The following MNAT1 variants were observed in gnomAD, a reference collection of about 807,000 sequenced individuals.
MNAT1 encodes the protein CDK-activating kinase assembly factor MAT1.
MNAT1 carries 43 observed loss-of-function variants against 42.0 expected under a neutral mutation model. The observed-to-expected ratio is 1.02, with a 90% CI of 0.80 to 1.32. The LOEUF (loss-of-function observed/expected upper bound fraction) is 1.32. Among genes scored for constraint, MNAT1 ranks in the 40% most tolerant of loss-of-function variants. The pLI is 0.00. For missense variants in MNAT1, 306 were observed against 350.4 expected (o/e 0.87, Z 1.01); for synonymous variants, 118 against 120.0 (o/e 0.98, Z 0.11).
At chr14:60,854,252 T>C (rs543677583) in intron 6 of MNAT1, among the ~76,000 whole-genome samples, 4 of 152,326 alleles carry the variant, frequency 2.6e-5, no homozygotes, top group Admixed American at 2.6e-4. Context: ...AACGTGCTCC[T>C]TTAGCTCAGA....
chr14:60,883,916 T>C (rs547095978), intron 7 of MNAT1, among the ~76,000 whole-genome samples: 3 of 152,306 alleles, frequency 2.0e-5, no homozygotes, highest in Admixed American at 6.5e-5. Context: ...GTGCTGATTT[T>C]GTATTCTGCA....
intron 3 of MNAT1, among the ~76,000 whole-genome samples, chr14:60,806,322 T>C (rs1192378379): frequency 6.6e-6 from 1 of 152,182 alleles, no homozygotes; most frequent in African/African-American, 2.4e-5. Context: ...GGGTGAGTCA[T>C]ATGTGGATAT....
chr14:60,963,067 C>T (rs1360311975), intron 7 of MNAT1, among the ~76,000 whole-genome samples: 1 of 152,090 alleles, frequency 6.6e-6, no homozygotes, highest in Non-Finnish European at 1.5e-5. Context: ...CTGCGACCTC[C>T]ACCTCCCGGG....
chr14:60,968,258 C>T lies in MNAT1; in HGVS notation c.839C>T (p.Pro280Leu). Residue 280 changes from proline to leucine, a missense_variant, in exon 8 of 8, where the codon CCA becomes CTA. This residue lies in a region of MNAT1 where 116 missense variants were observed against 139.6 expected (regional missense o/e 0.83). Coordinates refer to ENST00000261245, the MANE Select transcript of MNAT1 (RefSeq NM_002431.4). Reference protein sequence around the residue: ...GYLNHVRAASPQDLAGGYTSS... With the variant: ...GYLNHVRAASLQDLAGGYTSS... ...TTAAACCATGTCAGAGCTGCCTCAC[C>T]ACAGGACCTTGCTGGAGGCTATACT... 1 of 1,613,770 alleles carries T rather than the reference C, an allele frequency of 6.2e-7. No homozygotes were observed. Among genetic ancestry groups the T allele is most frequent in the South Asian group, 1.1e-5 (1 of 91,030 alleles).
At chr14:60,753,345 A>G (rs1427925657) in intron 1 of MNAT1, among the ~76,000 whole-genome samples, 3 of 152,204 alleles carry the variant, frequency 2.0e-5, no homozygotes, top group Non-Finnish European at 4.4e-5. Context: ...AACAAAACAA[A>G]TAAGAATTGA....
chr14:60,905,860 A>G (rs2035186464), intron 7 of MNAT1, among the ~76,000 whole-genome samples: 1 of 152,202 alleles, frequency 6.6e-6, no homozygotes, highest in South Asian at 2.1e-4. Flanking sequence ...TCAAATGCCA[A>G]TCTTTTCTGG....
At position 60,798,138 on chromosome 14, in the gene MNAT1, C is replaced by A; in HGVS notation, c.294C>A (p.Phe98Leu). ...DFPSLREYNDFLEEVEEIVFN... is the reference protein window; with the variant it reads ...DFPSLREYNDLLEEVEEIVFN... Reference sequence around the variant, plus strand: ...CTAGTCTAAGAGAATACAATGATTTCTTGGAAGAAGTGGAAGAAATTGGTA... The same window carrying A: ...CTAGTCTAAGAGAATACAATGATTTATTGGAAGAAGTGGAAGAAATTGGTA... Residue 98 changes from phenylalanine (F) to leucine (L), a missense_variant, in exon 3 of 8, where the codon TTC becomes TTA. Phe to Leu is a conservative substitution (Grantham distance 22). Transcript: ENST00000261245. The A allele has an allele frequency of 6.6e-7, 1 of 1,516,872 alleles. No homozygotes were observed. The highest frequency in any genetic ancestry group is 9.1e-7 in the Non-Finnish European group (1 of 1,094,556). 94.0% of individuals were successfully genotyped at this position (1,516,872 alleles called of 1,614,324 possible).
chr14:60,754,373 G>A (rs1453044142), intron 1 of MNAT1, among the ~76,000 whole-genome samples: 2 of 135,912 alleles, frequency 1.5e-5, no homozygotes, highest in African/African-American at 5.6e-5. Context: ...ACCGAGTCTC[G>A]CTCTGTCGCC....
chr14:60,767,528 A>T (rs961927953), intron 1 of MNAT1, among the ~76,000 whole-genome samples: 1 of 152,020 alleles, frequency 6.6e-6, no homozygotes, highest in African/African-American at 2.4e-5. Flanking sequence ...TATCTGTGAG[A>T]CCCTTCCGGG....
chr14:60,872,837 C>A lies in MNAT1; in HGVS notation c.688-6877C>A, dbSNP rs552737228. On this transcript the variant is annotated intron_variant, in intron 6 of 7. Transcript: ENST00000261245. ...TTTGGTATTACATCACACACACATA[C>A]ACACACACACACACACACACACACA... Among the ~76,000 whole-genome samples, 261 of 130,998 alleles carry A rather than the reference C, an allele frequency of 2.0e-3. 1 individual carries two copies. The highest frequency in any genetic ancestry group is 6.9e-3 in the African/African-American group (192 of 27,670). The allele number at this position is 130,998 out of a possible 152,430, so 85.9% of individuals were successfully genotyped here.
At chr14:60,889,095 CT>C (rs1225593799) in intron 7 of MNAT1, among the ~76,000 whole-genome samples, 3 of 148,796 alleles carry the variant, frequency 2.0e-5, no homozygotes, top group East Asian at 1.9e-4. Context: ...TTGGAAAAAA[CT>C]TACTTTAAAG....
At chr14:60,961,720 T>TGGC (rs960428631) in intron 7 of MNAT1, among the ~76,000 whole-genome samples, 1 of 152,208 alleles carries the variant, frequency 6.6e-6, no homozygotes, top group African/African-American at 2.4e-5. Context: ...CTTCAATACC[T>TGGC]GGCAAATAGT....
chr14:60,951,194 C>A (rs147734955), intron 7 of MNAT1, among the ~76,000 whole-genome samples: 187 of 149,514 alleles, frequency 1.3e-3, no homozygotes, highest in African/African-American at 4.1e-3. Context: ...TCAAAAAATT[C>A]TAAACTTAAT....
chr14:60,807,642 A>C (rs139318659), intron 3 of MNAT1, among the ~76,000 whole-genome samples: 111 of 152,340 alleles, frequency 7.3e-4, no homozygotes, highest in Middle Eastern at 3.4e-3. Context: ...TATGGCATTC[A>C]TAATTCAAAT....
chr14:60,820,949 A>T (rs77975020), intron 6 of MNAT1, among the ~76,000 whole-genome samples: 8,004 of 152,250 alleles, frequency 0.053, 299 homozygotes, highest in South Asian at 0.11. Context: ...GGAGTTAGCC[A>T]TGCAAAAATA....
chr14:60,820,888 T>A (rs1262618882), intron 6 of MNAT1, among the ~76,000 whole-genome samples: 2 of 152,202 alleles, frequency 1.3e-5, no homozygotes, highest in Admixed American at 1.3e-4. Flanking sequence ...TATTATCTAC[T>A]TTCTCACCTC....
intron 7 of MNAT1, among the ~76,000 whole-genome samples, chr14:60,910,629 A>G (rs559408545): frequency 6.6e-6 from 1 of 152,312 alleles, no homozygotes; most frequent in South Asian, 2.1e-4. Context: ...GATTATGATT[A>G]TTGATTTGTG....
chr14:60,845,134 A>G (rs1239872750), intron 6 of MNAT1, among the ~76,000 whole-genome samples: 1 of 151,874 alleles, frequency 6.6e-6, no homozygotes, highest in Non-Finnish European at 1.5e-5. Flanking sequence ...TGTTAGCGTC[A>G]TTGGCTTCAC....
intron 1 of MNAT1, among the ~76,000 whole-genome samples, chr14:60,766,341 T>G (rs912845687): frequency 1.4e-5 from 2 of 143,264 alleles, no homozygotes; most frequent in African/African-American, 5.2e-5. Context: ...AGCGAGACTC[T>G]GTCAAAAAAA....
Sources: gnomAD v4.1 joint callset for allele counts (sites outside exome capture counted in the v4.1 genomes callset) on GRCh38, gnomAD v4.1.1 for gene constraint, gnomAD v4.1.1 regional missense constraint, MANE v1.5 for transcripts, NCBI Gene and HGNC (gene_info 2026-07-23, HGNC 2026-07-21) for gene names.